Variants in SMOC2 observed in about 807,000 individuals in gnomAD.
SMOC2 encodes the protein SPARC related modular calcium binding 2.
Under a neutral mutation model 61.4 loss-of-function variants are expected in SMOC2, and 39 were observed. The observed-to-expected ratio is 0.64, with a 90% CI of 0.49 to 0.83. The LOEUF is 0.83. Among genes scored for constraint, SMOC2 ranks in the 40% least tolerant of loss-of-function variants. The pLI, the probability that SMOC2 is intolerant of heterozygous loss-of-function variation, is 0.00. For missense variants in SMOC2, 556 were observed against 592.9 expected (o/e 0.94, Z 0.65); for synonymous variants, 247 against 239.9 (o/e 1.03, Z -0.27).
chr6:168,665,091 A>C (rs1787626956), intron 12 of SMOC2: 1 of 279,086 alleles, frequency 3.6e-6, no homozygotes, highest in Non-Finnish European at 7.0e-6. Flanking sequence ...AATCACTTAC[A>C]CTTGAAAACA....
chr6:168,638,791 C>T (rs950009154), intron 9 of SMOC2, among the ~76,000 whole-genome samples: 5 of 152,162 alleles, frequency 3.3e-5, no homozygotes, highest in African/African-American at 1.2e-4. Context: ...GAATCAGAAG[C>T]GCTGTGCTCC....
At chr6:168,476,648 A>G (rs569814074) in intron 1 of SMOC2, among the ~76,000 whole-genome samples, 32 of 152,224 alleles carry the variant, frequency 2.1e-4, no homozygotes, top group Non-Finnish European at 4.4e-4. Context: ...GTGTGTGTAC[A>G]TACATACATA....
In SMOC2 at chr6:168,516,909, G is replaced by A. The variant is rs540329842; in HGVS notation, c.256+6823G>A. Among the ~76,000 whole-genome samples, 9 of 152,252 alleles carry A rather than the reference G, an allele frequency of 5.9e-5. No individual in the cohort carries two copies. In the South Asian group the frequency reaches 6.2e-4, roughly 11 times the overall value. On this transcript the variant is annotated intron_variant, in intron 2 of 12. Coordinates refer to ENST00000356284, the MANE Select transcript of SMOC2 (RefSeq NM_001166412.2). ...GTGGAGGTTGCAGTGAGCCCAGATC[G>A]TGCCATTGCATTCCAGCCTGGCGAC...
intron 9 of SMOC2, among the ~76,000 whole-genome samples, chr6:168,639,711 G>A (rs982296499): frequency 2.0e-5 from 3 of 151,724 alleles, no homozygotes; most frequent in African/African-American, 4.8e-5. Context: ...CCATCATCAG[G>A]TGGACCAGAG....
At chr6:168,529,843 G>A (rs776452323) in intron 4 of SMOC2, among the ~76,000 whole-genome samples, 13 of 152,318 alleles carry the variant, frequency 8.5e-5, no homozygotes, top group African/African-American at 1.4e-4. Flanking sequence ...CTGTGAGATC[G>A]TGGTCAACAG....
chr6:168,609,484 C>T (rs750962342), intron 9 of SMOC2, among the ~76,000 whole-genome samples: 18 of 152,108 alleles, frequency 1.2e-4, no homozygotes, highest in Non-Finnish European at 1.9e-4. Context: ...CACACCCGTC[C>T]CTGTGCATGC....
chr6:168,599,413 T>C (rs752303869), intron 8 of SMOC2, among the ~76,000 whole-genome samples: 239 of 23,014 alleles, frequency 0.01, 3 homozygotes, highest in Middle Eastern at 0.033. Flanking sequence ...CACACACACA[T>C]TCATACCCCC....
intron 1 of SMOC2, among the ~76,000 whole-genome samples, chr6:168,501,690 CAG>C (rs1276416287): frequency 2.6e-5 from 4 of 152,216 alleles, no homozygotes; most frequent in African/African-American, 9.6e-5. Flanking sequence ...GTGTGGCAAA[CAG>C]AGAAACAACC....
intron 9 of SMOC2, among the ~76,000 whole-genome samples, chr6:168,641,910 T>C (rs1418810526): frequency 6.6e-6 from 1 of 152,198 alleles, no homozygotes; most frequent in Non-Finnish European, 1.5e-5. Context: ...TGAAAAGATA[T>C]AGTGAAAAAT....
At chr6:168,603,327 G>T (rs1413797085) in intron 8 of SMOC2, among the ~76,000 whole-genome samples, 1 of 149,814 alleles carries the variant, frequency 6.7e-6, no homozygotes, top group Non-Finnish European at 1.5e-5. Context: ...AATACTGGGG[G>T]TGTCATAGGG....
intron 1 of SMOC2, among the ~76,000 whole-genome samples, chr6:168,484,482 C>T (rs1441281881): frequency 1.3e-5 from 2 of 152,122 alleles, no homozygotes; most frequent in Non-Finnish European, 2.9e-5. Context: ...AACGTTTGTG[C>T]ACTGTTGGTG....
At chr6:168,545,229 GTTTA>G (rs1463074535) in intron 5 of SMOC2, among the ~76,000 whole-genome samples, 1 of 150,858 alleles carries the variant, frequency 6.6e-6, no homozygotes, top group East Asian at 1.9e-4. Flanking sequence ...TCTTAATCCT[GTTTA>G]TTATGATATT....
intron 7 of SMOC2, among the ~76,000 whole-genome samples, chr6:168,557,680 C>G (rs979736877): frequency 1.3e-5 from 2 of 152,152 alleles, no homozygotes; most frequent in Admixed American, 6.5e-5. Flanking sequence ...GTTGGCGTCA[C>G]TAGTTGCTCA....
chr6:168,514,423 G>T (rs1280495943), intron 2 of SMOC2, among the ~76,000 whole-genome samples: 1 of 152,250 alleles, frequency 6.6e-6, no homozygotes, highest in Non-Finnish European at 1.5e-5. Context: ...GGAAACCGCA[G>T]GGCCATGGGT....
intron 8 of SMOC2, among the ~76,000 whole-genome samples, chr6:168,604,108 A>T (rs1315767318): frequency 6.6e-6 from 1 of 152,182 alleles, no homozygotes; most frequent in African/African-American, 2.4e-5. Flanking sequence ...TGACACCCTC[A>T]TTCTGTTTTC....
In SMOC2 at chr6:168,518,211, C is replaced by T. The variant is rs569962498; in HGVS notation, c.256+8125C>T. Among the ~76,000 whole-genome samples the T allele has an allele frequency of 3.4e-4, 51 of 152,204 alleles. 1 individual carries two copies. Among genetic ancestry groups the T allele is most frequent in the Non-Finnish European group, 6.0e-4 (41 of 68,042 alleles). On this transcript the variant is annotated intron_variant, in intron 2 of 12. Coordinates refer to ENST00000356284, the MANE Select transcript of SMOC2 (RefSeq NM_001166412.2). ...GGCCGGAGTGTCGCCTGGCTCCTATCGGGCAGCATCGACCTGTTCATTTTC... is the reference window on the plus strand; with the variant it reads ...GGCCGGAGTGTCGCCTGGCTCCTATTGGGCAGCATCGACCTGTTCATTTTC...
chr6:168,610,171 G>A (rs1416393122), intron 9 of SMOC2, among the ~76,000 whole-genome samples: 1 of 152,192 alleles, frequency 6.6e-6, no homozygotes, highest in Non-Finnish European at 1.5e-5. Flanking sequence ...GTGAGGATGG[G>A]CACGTCAGAA....
In SMOC2 at chr6:168,527,726, G is replaced by T. The variant is rs370679751; in HGVS notation, c.462G>T (p.Pro154=). The T allele has an allele frequency of 4.5e-6, 7 of 1,549,320 alleles. No homozygotes were observed. The highest frequency in any genetic ancestry group is 4.1e-5 in the African/African-American group (3 of 73,064). The change falls in exon 4 of 13, where the codon CCG becomes CCT. Residue 154 remains proline (P), a splice_region_variant and synonymous_variant. Coordinates refer to ENST00000356284, the MANE Select transcript of SMOC2 (RefSeq NM_001166412.2). Reference sequence around the variant, plus strand: ...TGGCCCACAAGACGCCCCGGTGCCCGGGTAGGTCTGACGTGCCTTTCCAAG... The same window carrying T: ...TGGCCCACAAGACGCCCCGGTGCCCTGGTAGGTCTGACGTGCCTTTCCAAG... ...TAVAHKTPRC[P]GSVNEKLPQR...
rs373663638 is a variant in SMOC2, at chr6:168,571,940, C to T, written c.637+22737C>T. ...GATGTTCACTTCCTCCCCGCATCCC[C>T]GGGTGCCGGGACCAGGGCTGCGTGC... On this transcript the variant is annotated intron_variant, in intron 7 of 12. Transcript: ENST00000356284. 4.0e-3 allele frequency among the ~76,000 whole-genome samples: 95 copies of T among 23,566 alleles called. 13 individuals are homozygous for T. The highest frequency in any genetic ancestry group is 0.033 in the African/African-American group (85 of 2,568). The allele number at this position is 23,566 out of a possible 152,430, so 15.5% of individuals were successfully genotyped here. A position where few individuals can be genotyped will look rare whatever the true frequency, so the allele number is the denominator to read the frequency against.
Sources: allele counts gnomAD v4.1 joint callset (sites outside exome capture counted in the v4.1 genomes callset), GRCh38; gene constraint gnomAD v4.1.1; transcripts MANE v1.5; gene names NCBI Gene and HGNC (gene_info 2026-07-23, HGNC 2026-07-21).